Variants in NAA50 observed in about 807,000 individuals in gnomAD.
The protein encoded by NAA50 is N-alpha-acetyltransferase 50, NatE catalytic subunit.
Under a neutral mutation model 20.7 loss-of-function variants are expected in NAA50, and 7 were observed. The observed-to-expected ratio is 0.34, with a 90% CI of 0.19 to 0.63. The LOEUF is 0.63. Among genes scored for constraint, NAA50 ranks in the 30% least tolerant of loss-of-function variants. NAA50 has a pLI of 0.75. For missense variants in NAA50, 111 were observed against 199.1 expected, an observed-to-expected ratio of 0.56 and a Z score of 2.66; for synonymous variants, 54 against 70.6, an observed-to-expected ratio of 0.77 and a Z score of 1.18.
chr3:113,718,863 T>A lies in NAA50; in HGVS notation c.*2897A>T, dbSNP rs958322345. ...AATTACACTTGGCCTATTTTAATGA[T>A]TTTAAAATTAGATCTTAAATGTGAA... On this transcript the variant is annotated 3_prime_UTR_variant, in exon 5 of 5. Coordinates refer to ENST00000240922, the MANE Select transcript of NAA50 (RefSeq NM_025146.4). 1 of 152,642 alleles carries A rather than the reference T, an allele frequency of 6.6e-6. No individual in the cohort carries two copies. The highest frequency in any genetic ancestry group is 2.4e-5 in the African/African-American group (1 of 41,448). 9.5% of individuals were successfully genotyped at this position (152,642 alleles called of 1,614,324 possible).
intron 1 of NAA50, among the ~76,000 whole-genome samples, chr3:113,744,108 A>G (rs548263745): frequency 2.9e-4 from 44 of 152,284 alleles, no homozygotes; most frequent in African/African-American, 1.1e-3. Flanking sequence ...CATGACAAAC[A>G]AGTACTGAGT....
At chr3:113,742,450 G>C (rs979041668) in intron 1 of NAA50, among the ~76,000 whole-genome samples, 3 of 142,236 alleles carry the variant, frequency 2.1e-5, no homozygotes, top group African/African-American at 8.1e-5. Flanking sequence ...TTTTGAGACA[G>C]AGTCTCACTC....
In NAA50 at chr3:113,741,314, G is replaced by A. The variant is rs1454362960; in HGVS notation, c.8+4628C>T. On this transcript the variant is annotated intron_variant, in intron 1 of 4. Coordinates refer to ENST00000240922, the MANE Select transcript of NAA50 (RefSeq NM_025146.4). The stretch of plus-strand genomic sequence containing the variant: ...CAAGGTACATTTCAACTGCTCAATC[G>A]CCAACTGTAGCTAGTCACGACTGTA... 25 of 338,818 alleles carry A rather than the reference G, an allele frequency of 7.4e-5. 1 individual carries two copies. Among genetic ancestry groups the A allele is most frequent in the South Asian group, 5.3e-4 (20 of 37,572 alleles). 21.0% of individuals were successfully genotyped at this position (338,818 alleles called of 1,614,324 possible).
chr3:113,723,621 C>A, intron 2 of NAA50, 80 bp from the exon 3 acceptor site: 1 of 1,375,534 alleles, frequency 7.3e-7, no homozygotes, highest in Admixed American at 2.4e-5. Context: ...AAGGACTACA[C>A]TGTTCCTATC....
Position 113,722,910 on chromosome 3 carries a change from A to G in NAA50, c.328T>C (p.Tyr110His). 6.5e-7 allele frequency: 1 copy of G among 1,533,996 alleles called. No homozygotes were observed. Residue 110 changes from tyrosine to histidine, a missense_variant, in exon 4 of 5, where the codon TAT becomes CAT. By Grantham distance (83) the Tyr-to-His change is moderately conservative (BLOSUM62 2). Transcript: ENST00000240922. ...ATTAAATATTATTTTACTTACAGAT[A>G]AATGTTGTCAAAAGTACCATCTTTT... ...CEKDGTFDNI[Y>H]LHVQISNESA...
chr3:113,743,185 G>T (rs532652783), intron 1 of NAA50, among the ~76,000 whole-genome samples: 1 of 152,228 alleles, frequency 6.6e-6, no homozygotes, highest in East Asian at 1.9e-4. Context: ...AAATACTCAT[G>T]GTAAAAATAT....
At chr3:113,728,559 ATCAG>A (rs1192517015) in intron 1 of NAA50, among the ~76,000 whole-genome samples, 1 of 152,238 alleles carries the variant, frequency 6.6e-6, no homozygotes, top group Non-Finnish European at 1.5e-5. Flanking sequence ...TAGTCCGAAA[ATCAG>A]TCAGTTTGAT....
Position 113,724,065 on chromosome 3 carries a change from T to C in NAA50, c.39A>G (p.Pro13=), listed in dbSNP as rs1437675104. The C allele has an allele frequency of 6.2e-7, 1 of 1,600,982 alleles. No individual in the cohort carries two copies. The highest frequency in any genetic ancestry group is 1.1e-5 in the South Asian group (1 of 87,156). ...ATCTTTTCAACTGTTTAATATTGTG[T>C]GGTGTCACATCTCCCAGCTCGATCC... ...GSRIELGDVT[P]HNIKQLKRLN... is the part of the protein sequence containing the mutation. Residue 13 remains proline, a synonymous_variant, in exon 2 of 5, where the codon CCA becomes CCG. Transcript: ENST00000240922.
chr3:113,733,852 C>CAAAAAAAAAA (rs1559740573), intron 1 of NAA50, among the ~76,000 whole-genome samples: 1 of 57,062 alleles, frequency 1.8e-5, no homozygotes, highest in African/African-American at 1.1e-4. Flanking sequence ...GACTCTGTCT[C>CAAAAAAAAAA]CAAAAAAAAA....
At chr3:113,742,719 T>C (rs968167052) in intron 1 of NAA50, among the ~76,000 whole-genome samples, 4 of 152,202 alleles carry the variant, frequency 2.6e-5, no homozygotes, top group African/African-American at 9.7e-5. Context: ...CCCTTTACTA[T>C]TCCAATTAGT....
At chr3:113,737,985 C>CT (rs1708368405) in intron 1 of NAA50, among the ~76,000 whole-genome samples, 1 of 152,042 alleles carries the variant, frequency 6.6e-6, no homozygotes, top group African/African-American at 2.4e-5. Context: ...TGGGCAGATC[C>CT]TTTGAGTCCA....
At chr3:113,745,357 A>G (rs1708476815) in intron 1 of NAA50, among the ~76,000 whole-genome samples, 1 of 152,012 alleles carries the variant, frequency 6.6e-6, no homozygotes, top group African/African-American at 2.4e-5. Flanking sequence ...TTGGCACCCC[A>G]AGTCTACAGT....
In NAA50 at chr3:113,726,671, G is replaced by A. The variant is rs557659194; in HGVS notation, c.9-2576C>T. ...AGGCAGAAGAATCACTGGAACCCAG[G>A]AGGCAGAGGTTGCAGTGAGCCAAGA... On this transcript the variant is annotated intron_variant, in intron 1 of 4. Coordinates refer to ENST00000240922, the MANE Select transcript of NAA50 (RefSeq NM_025146.4). Among the ~76,000 whole-genome samples, 26 of 151,588 alleles carry A rather than the reference G, an allele frequency of 1.7e-4. No individual in the cohort carries two copies. The East Asian group carries it at 3.1e-3, about 18-fold the overall frequency.
Position 113,721,590 on chromosome 3 carries a change from A to G in NAA50, c.*170T>C. ...ACAATTCAAACATGATTATTTTTTT[A>G]AAGTCCTTGAAAGTATTAAAACTCT... On this transcript the variant is annotated 3_prime_UTR_variant, in exon 5 of 5. Transcript: ENST00000240922. The G allele has an allele frequency of 3.0e-6, 2 of 673,952 alleles. No homozygotes were observed. Among genetic ancestry groups the G allele is most frequent in the East Asian group, 2.7e-5 (1 of 36,600 alleles). The allele number at this position is 673,952 out of a possible 1,614,324, so 41.7% of individuals were successfully genotyped here. A position where few individuals can be genotyped will look rare whatever the true frequency, so the allele number is the denominator to read the frequency against.
chr3:113,725,956 CTA>C (rs1708193635), intron 1 of NAA50, among the ~76,000 whole-genome samples: 5 of 152,144 alleles, frequency 3.3e-5, no homozygotes, highest in Admixed American at 3.3e-4. Flanking sequence ...CTTTTACCCC[CTA>C]TTTAAGTAGT....
In NAA50 at chr3:113,721,674, G is replaced by T. The variant is rs15781; in HGVS notation, c.*86C>A. The T allele has an allele frequency of 3.0e-3, 4,150 of 1,404,676 alleles. 36 individuals are homozygous for T. The highest frequency in any genetic ancestry group is 0.023 in the African/African-American group (1,582 of 69,278). 87.0% of individuals were successfully genotyped at this position (1,404,676 alleles called of 1,614,324 possible). Reference sequence around the variant, plus strand: ...ACAAGGAGGGAGAAAAGCTTTAAAAGAAAAGTGTTGGGGTGGGGGAGGAAT... The same window carrying T: ...ACAAGGAGGGAGAAAAGCTTTAAAATAAAAGTGTTGGGGTGGGGGAGGAAT... On this transcript the variant is annotated 3_prime_UTR_variant, in exon 5 of 5. Coordinates refer to ENST00000240922, the MANE Select transcript of NAA50 (RefSeq NM_025146.4).
chr3:113,727,067 C>T (rs1708208430), intron 1 of NAA50, among the ~76,000 whole-genome samples: 1 of 152,222 alleles, frequency 6.6e-6, no homozygotes, highest in African/African-American at 2.4e-5. Flanking sequence ...GCTGGGCCTA[C>T]AGGCGTGAGC....
chr3:113,742,762 A>C (rs780365253), intron 1 of NAA50, among the ~76,000 whole-genome samples: 29 of 152,162 alleles, frequency 1.9e-4, no homozygotes, highest in Admixed American at 4.6e-4. Context: ...TATTACTGCT[A>C]CCTACTTTCC....
At chr3:113,733,442 T>C (rs1357415845) in intron 1 of NAA50, among the ~76,000 whole-genome samples, 4 of 152,176 alleles carry the variant, frequency 2.6e-5, no homozygotes, top group African/African-American at 4.8e-5. Flanking sequence ...AAAAAAAATC[T>C]ATTTTTAAAA....
Sources: allele counts gnomAD v4.1 joint callset (sites outside exome capture counted in the v4.1 genomes callset), GRCh38; gene constraint gnomAD v4.1.1; transcripts MANE v1.5; gene names NCBI Gene and HGNC (gene_info 2026-07-23, HGNC 2026-07-21).